Variants in CLIC5 observed in about 807,000 individuals in gnomAD.
CLIC5 encodes chloride intracellular channel protein 5.
A neutral mutation model predicts 24.7 loss-of-function variants in CLIC5; 20 were observed. The observed-to-expected ratio is 0.81, with a 90% CI of 0.57 to 1.18. The LOEUF (loss-of-function observed/expected upper bound fraction) is 1.18, where lower values mean the gene tolerates loss of function less well. CLIC5 is among the 50% of genes most tolerant of loss of function. The pLI, the probability that CLIC5 is intolerant of heterozygous loss-of-function variation, is 0.00. For synonymous variants in CLIC5, 159 were observed against 135.6 expected, an observed-to-expected ratio of 1.17 and a Z score of -1.20; for missense variants, 341 against 326.1, an observed-to-expected ratio of 1.05 and a Z score of -0.35.
intron 1 of CLIC5, among the ~76,000 whole-genome samples, chr6:46,044,168 T>C (rs1767891853): frequency 6.6e-6 from 1 of 152,240 alleles, no homozygotes; most frequent in African/African-American, 2.4e-5. Flanking sequence ...TCAAAGGTTC[T>C]TTCCTTGGAA....
At chr6:46,087,211 G>A in the CLIC5 span, among the ~76,000 whole-genome samples, 1 of 152,180 alleles carries the variant, frequency 6.6e-6, no homozygotes, top group Non-Finnish European at 1.5e-5. Context: ...TCCTAGAGGA[G>A]CTTGGGTAAA....
intron 1 of CLIC5, among the ~76,000 whole-genome samples, chr6:45,996,831 A>G (rs1187486137): frequency 1.5e-4 from 22 of 151,664 alleles, no homozygotes; most frequent in Non-Finnish European, 2.2e-4. Flanking sequence ...TTAGAATGGC[A>G]ATCATTAAAA....
the CLIC5 span, among the ~76,000 whole-genome samples, chr6:46,110,567 G>A: frequency 6.6e-6 from 1 of 152,192 alleles, no homozygotes; most frequent in Non-Finnish European, 1.5e-5. Flanking sequence ...ACTGCTTTGA[G>A]ATTGGAAAGA....
At chr6:46,006,692 T>C (rs1005801498) in intron 1 of CLIC5, among the ~76,000 whole-genome samples, 3 of 150,372 alleles carry the variant, frequency 2.0e-5, no homozygotes, top group Non-Finnish European at 4.4e-5. Flanking sequence ...TTTTTTTTTT[T>C]TTTTGAGACA....
chr6:46,092,700 C>G, the CLIC5 span, among the ~76,000 whole-genome samples: 1 of 152,052 alleles, frequency 6.6e-6, no homozygotes, highest in Non-Finnish European at 1.5e-5. Context: ...CAATCAATTT[C>G]CCTGCTAGTA....
chr6:46,031,924 A>C (rs866793593), intron 1 of CLIC5, among the ~76,000 whole-genome samples: 27 of 132,544 alleles, frequency 2.0e-4, no homozygotes, highest in Non-Finnish European at 3.6e-4. Context: ...TATGTACACA[A>C]CATATATATA....
intron 1 of CLIC5, among the ~76,000 whole-genome samples, chr6:46,025,505 T>A (rs1767305554): frequency 6.6e-6 from 1 of 152,202 alleles, no homozygotes; most frequent in Admixed American, 6.5e-5. Context: ...CCCAAGTATC[T>A]GCTTATAATG....
At chr6:45,881,747 C>T (rs898060726) in intron 6 of CLIC5, among the ~76,000 whole-genome samples, 3 of 151,954 alleles carry the variant, frequency 2.0e-5, no homozygotes, top group Admixed American at 2.0e-4. Context: ...ATTTTCTCTC[C>T]CAGAAGACTT....
At chr6:46,108,079 G>A in the CLIC5 span, among the ~76,000 whole-genome samples, 1 of 139,636 alleles carries the variant, frequency 7.2e-6, no homozygotes, top group Non-Finnish European at 1.6e-5. Flanking sequence ...CAGAAAGTTG[G>A]AAAGAAAGAA....
intron 1 of CLIC5, among the ~76,000 whole-genome samples, chr6:46,015,160 A>C (rs1766953118): frequency 6.6e-6 from 1 of 152,146 alleles, no homozygotes; most frequent in South Asian, 2.1e-4. Context: ...ACACCTGGAG[A>C]CGTCTTTCAG....
the CLIC5 span, among the ~76,000 whole-genome samples, chr6:46,096,762 C>A: frequency 6.6e-6 from 1 of 152,170 alleles, no homozygotes. Flanking sequence ...ACAACAACAA[C>A]AACAACATGG....
At chr6:45,934,563 G>C (rs1256657547) in intron 4 of CLIC5, among the ~76,000 whole-genome samples, 3 of 152,346 alleles carry the variant, frequency 2.0e-5, no homozygotes, top group East Asian at 1.9e-4. Context: ...ATACAGATGA[G>C]ATACTATTGC....
intron 5 of CLIC5, among the ~76,000 whole-genome samples, chr6:45,906,213 C>T (rs1004158122): frequency 1.3e-5 from 2 of 151,970 alleles, no homozygotes; most frequent in South Asian, 2.1e-4. Flanking sequence ...TGGTTCCACA[C>T]GAATTTTTAG....
intron 1 of CLIC5, among the ~76,000 whole-genome samples, chr6:45,981,134 T>A (rs1371019257): frequency 6.6e-6 from 1 of 151,934 alleles, no homozygotes; most frequent in Non-Finnish European, 1.5e-5. Context: ...CAGGTCTGGC[T>A]AATTTTTGTA....
At chr6:45,938,903 T>A (rs1194201847) in intron 4 of CLIC5, among the ~76,000 whole-genome samples, 2 of 152,068 alleles carry the variant, frequency 1.3e-5, no homozygotes, top group African/African-American at 4.8e-5. Context: ...GGTAGACAAG[T>A]CATGGGTCTT....
chr6:45,974,372 A>G (rs996200751), intron 1 of CLIC5, among the ~76,000 whole-genome samples: 1 of 151,786 alleles, frequency 6.6e-6, no homozygotes, highest in Non-Finnish European at 1.5e-5. Context: ...CACCTATGGA[A>G]AGATGAAGGT....
chr6:46,004,782 AC>A (rs1368622535), intron 1 of CLIC5, among the ~76,000 whole-genome samples: 2 of 152,192 alleles, frequency 1.3e-5, no homozygotes, highest in Non-Finnish European at 2.9e-5. Flanking sequence ...CTTTCCCTAC[AC>A]AGCTCCCCTC....
chr6:46,116,907 C>A, the CLIC5 span, among the ~76,000 whole-genome samples: 1 of 152,128 alleles, frequency 6.6e-6, no homozygotes. Flanking sequence ...AGGTGAACAC[C>A]TTAACCTCTG....
In CLIC5 at chr6:45,891,901, G is replaced by A. The variant is rs530257501; in HGVS notation, c.624-10713C>T. The stretch of plus-strand genomic sequence containing the variant: ...CAACTGTACGATGAAGATTATACAC[G>A]TGTAAAACAAACAACTGAGAAAACT... On this transcript the variant is annotated intron_variant, in intron 6 of 6. Transcript: ENST00000644324. Among the ~76,000 whole-genome samples the A allele has an allele frequency of 5.9e-5, 9 of 152,274 alleles. No homozygotes were observed. The South Asian group carries it at 6.2e-4, about 11-fold the overall frequency.
Sources: allele counts gnomAD v4.1 joint callset (sites outside exome capture counted in the v4.1 genomes callset), GRCh38; gene constraint gnomAD v4.1.1; transcripts MANE v1.5; gene names NCBI Gene and HGNC (gene_info 2026-07-23, HGNC 2026-07-21).